SNX10: variants seen among roughly 807,000 people sequenced by gnomAD.
SNX10 encodes sorting nexin-10.
Under a neutral mutation model 28.5 loss-of-function variants are expected in SNX10, and 25 were observed. The observed-to-expected ratio is 0.88, with a 90% CI of 0.64 to 1.22. The LOEUF is 1.22. SNX10 is among the 50% of genes most tolerant of loss of function. The probability of loss-of-function intolerance (pLI) is 0.00; values close to 1 mark genes in which losing one functional copy is unlikely to be tolerated. For missense variants in SNX10, 223 were observed against 242.6 expected (o/e 0.92, Z 0.54); for synonymous variants, 62 against 81.4 (o/e 0.76, Z 1.28).
intron 1 of SNX10, among the ~76,000 whole-genome samples, chr7:26,324,552 G>A (rs1308103467): frequency 2.0e-5 from 3 of 152,050 alleles, no homozygotes; most frequent in Non-Finnish European, 4.4e-5. Flanking sequence ...GTAGAGATGA[G>A]GCCTCACTAT....
chr7:26,341,499 A>ATTT (rs77220780), intron 1 of SNX10, among the ~76,000 whole-genome samples: 15,256 of 145,572 alleles, frequency 0.1, 913 homozygotes, highest in Admixed American at 0.14. Flanking sequence ...CTCTATGTGC[A>ATTT]TTTTTTTTTT....
At chr7:26,308,691 T>C (rs189244973) in intron 1 of SNX10, among the ~76,000 whole-genome samples, 2 of 152,294 alleles carry the variant, frequency 1.3e-5, no homozygotes, top group African/African-American at 4.8e-5. Context: ...TGTGAGCCGC[T>C]CTAGCAAATT....
intron 1 of SNX10, among the ~76,000 whole-genome samples, chr7:26,298,338 C>T (rs1351289554): frequency 6.6e-6 from 1 of 152,168 alleles, no homozygotes; most frequent in Non-Finnish European, 1.5e-5. Context: ...AAAGGCTATT[C>T]ATAGGTAATT....
At chr7:26,359,296 G>A (rs1788970713) in intron 2 of SNX10, among the ~76,000 whole-genome samples, 1 of 152,028 alleles carries the variant, frequency 6.6e-6, no homozygotes, top group South Asian at 2.1e-4. Context: ...TCAGAGTGTG[G>A]TGTATTTTTT....
chr7:26,296,332 T>C (rs1222657800), intron 1 of SNX10, among the ~76,000 whole-genome samples: 1 of 151,922 alleles, frequency 6.6e-6, no homozygotes, highest in Non-Finnish European at 1.5e-5. Flanking sequence ...GTGGGAGGAT[T>C]GCTTGAGGTC....
At chr7:26,347,216 A>G (rs558334855) in intron 2 of SNX10, among the ~76,000 whole-genome samples, 1 of 152,350 alleles carries the variant, frequency 6.6e-6, no homozygotes, top group Admixed American at 6.5e-5. Context: ...CATTTATTTC[A>G]GAGAATCTTT....
intron 3 of SNX10, among the ~76,000 whole-genome samples, chr7:26,363,900 C>T (rs769242225): frequency 4.6e-5 from 7 of 152,146 alleles, no homozygotes; most frequent in Admixed American, 6.6e-5. Context: ...AGTGACTTGC[C>T]CTGTAGCAGA....
At chr7:26,298,933 C>T (rs1011759445) in intron 1 of SNX10, among the ~76,000 whole-genome samples, 1 of 152,232 alleles carries the variant, frequency 6.6e-6, no homozygotes, top group Non-Finnish European at 1.5e-5. Flanking sequence ...TTAACCTCAT[C>T]TAAACCTAAT....
chr7:26,311,650 CT>C (rs1786857618), intron 1 of SNX10, among the ~76,000 whole-genome samples: 1 of 152,058 alleles, frequency 6.6e-6, no homozygotes, highest in African/African-American at 2.4e-5. Flanking sequence ...ACATCTCTTA[CT>C]TTTCAATTAA....
At chr7:26,322,916 A>T (rs993369260) in intron 1 of SNX10, among the ~76,000 whole-genome samples, 4 of 152,190 alleles carry the variant, frequency 2.6e-5, no homozygotes, top group African/African-American at 9.7e-5. Flanking sequence ...AAACAAATAA[A>T]TAGTATAGAT....
At chr7:26,328,552 G>T (rs532254168) in intron 1 of SNX10, among the ~76,000 whole-genome samples, 1 of 152,296 alleles carries the variant, frequency 6.6e-6, no homozygotes, top group Non-Finnish European at 1.5e-5. Flanking sequence ...AGAGTGGAAG[G>T]GAAGAGGGCT....
At chr7:26,358,086 C>T (rs1295424478) in intron 2 of SNX10, among the ~76,000 whole-genome samples, 1 of 151,956 alleles carries the variant, frequency 6.6e-6, no homozygotes, top group Non-Finnish European at 1.5e-5. Context: ...AGTTTGCCAT[C>T]CACAAGAGAA....
chr7:26,357,484 G>A (rs1308026935), intron 2 of SNX10, among the ~76,000 whole-genome samples: 3 of 152,132 alleles, frequency 2.0e-5, no homozygotes, highest in Non-Finnish European at 4.4e-5. Context: ...AGGCTGTATT[G>A]TGCTAGCTGA....
chr7:26,353,800 G>A (rs1279671804), intron 2 of SNX10, among the ~76,000 whole-genome samples: 3 of 152,094 alleles, frequency 2.0e-5, no homozygotes, highest in Non-Finnish European at 2.9e-5. Context: ...AGTACCTAGC[G>A]CATTGTTGTT....
intron 2 of SNX10, among the ~76,000 whole-genome samples, chr7:26,353,857 T>C (rs943431792): frequency 2.0e-5 from 3 of 152,096 alleles, no homozygotes; most frequent in Non-Finnish European, 4.4e-5. Context: ...TGTAAATACA[T>C]GAACATGTAA....
Position 26,365,689 on chromosome 7 carries a change from G to A in SNX10, c.311+544G>A, listed in dbSNP as rs552417102. ...TTACTCTGTGATGGTGGGTATTGCC[G>A]TTAAAGCTGCCTGAGTTCACACTAC... On this transcript the variant is annotated intron_variant, in intron 5 of 6. Transcript: ENST00000338523. Among the ~76,000 whole-genome samples, 10 of 152,254 alleles carry A rather than the reference G, an allele frequency of 6.6e-5. No homozygotes were observed. The South Asian group carries it at 8.3e-4, about 13-fold the overall frequency.
intron 1 of SNX10, among the ~76,000 whole-genome samples, chr7:26,300,121 GA>G (rs1786281163): frequency 6.6e-6 from 1 of 152,150 alleles, no homozygotes; most frequent in South Asian, 2.1e-4. Context: ...TGAGGCAGGA[GA>G]ATTGCTTAAA....
chr7:26,293,972 T>A (rs572297635), intron 1 of SNX10, among the ~76,000 whole-genome samples: 1 of 152,250 alleles, frequency 6.6e-6, no homozygotes, highest in Non-Finnish European at 1.5e-5. Flanking sequence ...ACTACTTTCA[T>A]TTTAAGGCTT....
intron 1 of SNX10, among the ~76,000 whole-genome samples, chr7:26,327,726 C>CTTTTTTTTTTTTT (rs70943293): frequency 3.4e-4 from 30 of 89,100 alleles, no homozygotes; most frequent in African/African-American, 6.9e-4. Context: ...GCATTCTTTT[C>CTTTTTTTTTTTTT]TTTTTTTTTT....
Sources: gnomAD v4.1 joint callset for allele counts (sites outside exome capture counted in the v4.1 genomes callset) on GRCh38, gnomAD v4.1.1 for gene constraint, MANE v1.5 for transcripts, NCBI Gene and HGNC (gene_info 2026-07-23, HGNC 2026-07-21) for gene names.